ATP2B4: variants seen among roughly 807,000 people sequenced by gnomAD.
ATP2B4 encodes ATPase plasma membrane Ca2+ transporting 4, also known as plasma membrane calcium-transporting ATPase 4.
A neutral mutation model predicts 110.3 loss-of-function variants in ATP2B4; 39 were observed. That is an observed-to-expected ratio of 0.35 (90% CI 0.27 to 0.46). The LOEUF (loss-of-function observed/expected upper bound fraction) is 0.46. Among genes scored for constraint, ATP2B4 ranks in the 20% least tolerant of loss-of-function variants. The probability of loss-of-function intolerance (pLI) is 1.00; values close to 1 mark genes in which losing one functional copy is unlikely to be tolerated. For synonymous variants in ATP2B4, 538 were observed against 571.7 expected (o/e 0.94, Z 0.84); for missense variants, 1,135 against 1,530.9 (o/e 0.74, Z 4.32).
intron 1 of ATP2B4, among the ~76,000 whole-genome samples, chr1:203,672,881 C>T (rs962473327): frequency 2.0e-5 from 3 of 152,204 alleles, no homozygotes; most frequent in Non-Finnish European, 4.4e-5. Flanking sequence ...TCGAATAGAC[C>T]TTGGCTTCTG....
chr1:203,666,769 C>G (rs1421614180), intron 1 of ATP2B4, among the ~76,000 whole-genome samples: 1 of 152,156 alleles, frequency 6.6e-6, no homozygotes, highest in Non-Finnish European at 1.5e-5. Flanking sequence ...TATCTTGGCT[C>G]TTGAAACTAT....
At chr1:203,734,156 C>G (rs1666816160) in intron 20 of ATP2B4, among the ~76,000 whole-genome samples, 1 of 151,910 alleles carries the variant, frequency 6.6e-6, no homozygotes, top group Non-Finnish European at 1.5e-5. Context: ...AAAAAATTAG[C>G]TGGGCGTGGT....
chr1:203,666,086 C>T (rs1261694599), intron 1 of ATP2B4, among the ~76,000 whole-genome samples: 1 of 152,204 alleles, frequency 6.6e-6, no homozygotes. Flanking sequence ...GGTGGTGGAG[C>T]ATACGTGGTA....
intron 2 of ATP2B4, among the ~76,000 whole-genome samples, chr1:203,696,222 C>G (rs962867344): frequency 3.3e-5 from 5 of 152,274 alleles, no homozygotes; most frequent in South Asian, 4.1e-4. Flanking sequence ...CCACCACGCC[C>G]GGCCCACTCT....
At chr1:203,650,419 TGGGTC>T (rs1663944807) in intron 1 of ATP2B4, among the ~76,000 whole-genome samples, 1 of 152,198 alleles carries the variant, frequency 6.6e-6, no homozygotes. Context: ...CTTGGCTGGC[TGGGTC>T]GAGTGAGTCA....
chr1:203,665,325 C>T (rs1053770240), intron 1 of ATP2B4, among the ~76,000 whole-genome samples: 15 of 152,232 alleles, frequency 9.9e-5, no homozygotes, highest in African/African-American at 3.1e-4. Flanking sequence ...GGGAGGCCCA[C>T]GCTGTGATGA....
chr1:203,642,209 G>A (rs1663654319), intron 1 of ATP2B4, among the ~76,000 whole-genome samples: 1 of 152,100 alleles, frequency 6.6e-6, no homozygotes, highest in Non-Finnish European at 1.5e-5. Flanking sequence ...AACCTCCTGA[G>A]TAGCTGGGAC....
At chr1:203,733,363 C>G (rs1179508749) in intron 20 of ATP2B4, 5 of 1,613,908 alleles carry the variant, frequency 3.1e-6, no homozygotes, top group Non-Finnish European at 1.7e-6. Context: ...CTTCCCCCAC[C>G]ACTTCTGTTC....
chr1:203,686,385 AT>A (rs1452292431), intron 2 of ATP2B4, among the ~76,000 whole-genome samples: 1 of 152,160 alleles, frequency 6.6e-6, no homozygotes, highest in Non-Finnish European at 1.5e-5. Context: ...AATTTTCCAG[AT>A]CCCTTCCCAG....
intron 8 of ATP2B4, among the ~76,000 whole-genome samples, chr1:203,704,072 G>A (rs1482655426): frequency 6.6e-6 from 1 of 152,192 alleles, no homozygotes; most frequent in Non-Finnish European, 1.5e-5. Context: ...GAAACAAAGA[G>A]CATATATTAC....
chr1:203,693,842 G>A (rs1665455430), intron 2 of ATP2B4, among the ~76,000 whole-genome samples: 1 of 152,166 alleles, frequency 6.6e-6, no homozygotes, highest in South Asian at 2.1e-4. Flanking sequence ...GTTCCCAGGA[G>A]GCAGAAACTT....
At position 203,683,173 on chromosome 1, in the gene ATP2B4, C is replaced by T. The variant is rs1043541755; in HGVS notation, c.-33C>T. The T allele has an allele frequency of 1.9e-6, 3 of 1,601,108 alleles. No homozygotes were observed. The highest frequency in any genetic ancestry group is 2.6e-6 in the Non-Finnish European group (3 of 1,172,494). The stretch of plus-strand genomic sequence containing the variant: ...CAGTTGAAGGGAAACGCTACATCTT[C>T]TCTGGTTGAGGGGCTTGGTAACAGC... On this transcript the variant is annotated 5_prime_UTR_variant, in exon 2 of 21. Transcript: ENST00000357681.
intron 1 of ATP2B4, among the ~76,000 whole-genome samples, chr1:203,674,898 G>A (rs959585299): frequency 3.3e-5 from 5 of 151,890 alleles, no homozygotes; most frequent in South Asian, 2.1e-4. Context: ...TAGTAGAGAC[G>A]GGGTTTCGCC....
chr1:203,640,484 A>ATT (rs571053296), intron 1 of ATP2B4, among the ~76,000 whole-genome samples: 5 of 146,974 alleles, frequency 3.4e-5, no homozygotes, highest in African/African-American at 1.2e-4. Flanking sequence ...TGCCCAGCTA[A>ATT]TTTTTTTTTT....
intron 1 of ATP2B4, among the ~76,000 whole-genome samples, chr1:203,665,513 T>C (rs1290987896): frequency 3.3e-5 from 5 of 152,114 alleles, no homozygotes; most frequent in Non-Finnish European, 5.9e-5. Flanking sequence ...CAAGATTGTG[T>C]AGCCTTGGCC....
chr1:203,703,557 G>A, intron 7 of ATP2B4, 95 bp from the exon 8 acceptor site: 1 of 1,425,784 alleles, frequency 7.0e-7, no homozygotes, highest in Non-Finnish European at 9.6e-7. Context: ...GTATATTCCG[G>A]GAAAGAGACA....
chr1:203,630,369 C>CTCTCT (rs1491269546), intron 1 of ATP2B4, among the ~76,000 whole-genome samples: 7 of 14,960 alleles, frequency 4.7e-4, no homozygotes, highest in African/African-American at 7.7e-4. Context: ...CTCTCTCTCT[C>CTCTCT]TTTTTTTTTT....
intron 1 of ATP2B4, among the ~76,000 whole-genome samples, chr1:203,682,172 T>C (rs1350237216): frequency 1.3e-5 from 2 of 152,182 alleles, no homozygotes; most frequent in Non-Finnish European, 2.9e-5. Context: ...ACCTGGAGGC[T>C]GAGTACTCTA....
chr1:203,656,918 G>A, intron 1 of ATP2B4: 1 of 605,218 alleles, frequency 1.7e-6, no homozygotes, highest in Admixed American at 2.6e-5. Context: ...AGTAATGGCA[G>A]TTTTTTCAGT....
Sources: gnomAD v4.1 joint callset for allele counts (sites outside exome capture counted in the v4.1 genomes callset) on GRCh38, gnomAD v4.1.1 for gene constraint, MANE v1.5 for transcripts, NCBI Gene and HGNC (gene_info 2026-07-23, HGNC 2026-07-21) for gene names.